The following COL18A1 variants were observed in gnomAD, a reference collection of about 807,000 sequenced individuals.
COL18A1 encodes collagen alpha-1(XVIII) chain.
COL18A1 carries 133 observed loss-of-function variants against 168.0 expected under a neutral mutation model. That is an observed-to-expected ratio of 0.79 (90% CI 0.69 to 0.91). COL18A1 has a LOEUF of 0.91. COL18A1 is among the 40% of genes least tolerant of loss of function. COL18A1 has a pLI of 0.00. For synonymous variants in COL18A1, 949 were observed against 809.0 expected, an observed-to-expected ratio of 1.17 and a Z score of -2.94; for missense variants, 2,126 against 1,925.4, an observed-to-expected ratio of 1.10 and a Z score of -1.95.
chr21:45,505,298 GC>G lies in COL18A1; in HGVS notation c.3013+24del. 6.2e-7 allele frequency: 1 copy of G among 1,605,758 alleles called. No individual in the cohort carries two copies. ...GGCAGAGTAAGTCAGTGGGGAGTGG[GC>G]CCCGGGCAGAGGCCGCCTCGTGTGG... On this transcript the variant is annotated intron_variant, in intron 35 of 41. Coordinates refer to ENST00000651438, the MANE Select transcript of COL18A1 (RefSeq NM_001379500.1).
At chr21:45,427,818 G>A (rs1602359256) in intron 2 of COL18A1, among the ~76,000 whole-genome samples, 2 of 152,234 alleles carry the variant, frequency 1.3e-5, no homozygotes, top group African/African-American at 2.4e-5. Context: ...GAGAACCAGC[G>A]GAAGGGGGGC....
intron 2 of COL18A1, chr21:45,422,712 C>T (rs1001064821): frequency 2.7e-5 from 8 of 292,112 alleles, no homozygotes; most frequent in Middle Eastern, 1.3e-3. Flanking sequence ...CTGGGTGAGG[C>T]GGGGCTGTGG....
At chr21:45,409,550 C>T (rs936965969) in intron 2 of COL18A1, among the ~76,000 whole-genome samples, 12 of 151,972 alleles carry the variant, frequency 7.9e-5, no homozygotes, top group African/African-American at 2.2e-4. Flanking sequence ...AGCTGAGACC[C>T]GCCTGCTGGG....
At chr21:45,409,406 G>C (rs1237316348) in intron 2 of COL18A1, among the ~76,000 whole-genome samples, 4 of 152,204 alleles carry the variant, frequency 2.6e-5, no homozygotes, top group African/African-American at 9.7e-5. Context: ...GATCCTGAAA[G>C]CAGTTTGGGG....
chr21:45,496,966 T>A, intron 30 of COL18A1, 84 bp from the exon 31 acceptor site: 1 of 896,882 alleles, frequency 1.1e-6, no homozygotes, highest in South Asian at 1.3e-5. Context: ...GGGCTGGTGC[T>A]TCTGGGCTTG....
At chr21:45,452,871 CATGT>C (rs1392027525) in intron 2 of COL18A1, among the ~76,000 whole-genome samples, 3 of 151,228 alleles carry the variant, frequency 2.0e-5, no homozygotes, top group Admixed American at 6.6e-5. Flanking sequence ...CTTGTGTATG[CATGT>C]GAGTATTCAC....
At chr21:45,437,950 A>G (rs2034227673) in intron 2 of COL18A1, among the ~76,000 whole-genome samples, 1 of 84,574 alleles carries the variant, frequency 1.2e-5, no homozygotes, top group Non-Finnish European at 2.1e-5. Context: ...ACTCAGACAC[A>G]CAGGCACTCT....
Position 45,512,238 on chromosome 21 carries a change from C to T in COL18A1, c.3860C>T (p.Thr1287Ile), listed in dbSNP as rs1568957123. The change falls in exon 42 of 42, where the codon ACC (threonine) becomes ATC (isoleucine). Residue 1287 changes from threonine (T) to isoleucine (I), a missense_variant. By Grantham distance (89) the Thr-to-Ile change is moderately conservative. Transcript: ENST00000651438. ...TCGGACCCCAACGGGCGCAGGCTGA[C>T]CGAGAGCTACTGTGAGACGTGGCGG... ...HGSDPNGRRLTESYCETWRTE... is the reference protein window; with the variant it reads ...HGSDPNGRRLIESYCETWRTE... 6.2e-7 allele frequency: 1 copy of T among 1,612,566 alleles called. No individual in the cohort carries two copies. Among genetic ancestry groups the T allele is most frequent in the South Asian group, 1.1e-5 (1 of 91,038 alleles).
chr21:45,414,045 C>T (rs1424868349), intron 2 of COL18A1, among the ~76,000 whole-genome samples: 1 of 152,204 alleles, frequency 6.6e-6, no homozygotes, highest in Non-Finnish European at 1.5e-5. Flanking sequence ...CTTGGAGGAG[C>T]AGGAGGAGGT....
intron 18 of COL18A1, among the ~76,000 whole-genome samples, chr21:45,489,083 C>T (rs556543579): frequency 6.6e-6 from 1 of 152,340 alleles, no homozygotes; most frequent in South Asian, 2.1e-4. Context: ...CACTCTCACG[C>T]GTCACCAGCC....
At position 45,512,424 on chromosome 21, in the gene COL18A1, A is replaced by G; in HGVS notation, c.*26A>G. 6.2e-7 allele frequency: 1 copy of G among 1,606,448 alleles called. No individual in the cohort carries two copies. Among genetic ancestry groups the G allele is most frequent in the Non-Finnish European group, 8.5e-7 (1 of 1,177,144 alleles). ...CCACCGCCTGGATGCGGATGGCCGG[A>G]GAGGACCGGCGGCTCGGAGGAAGCC... On this transcript the variant is annotated 3_prime_UTR_variant, in exon 42 of 42. Transcript: ENST00000651438.
intron 2 of COL18A1, among the ~76,000 whole-genome samples, chr21:45,432,217 G>T (rs2033983005): frequency 6.6e-6 from 1 of 151,012 alleles, no homozygotes; most frequent in Admixed American, 6.6e-5. Flanking sequence ...GTGCCCTCAT[G>T]GGGGGTCCTG....
intron 2 of COL18A1, chr21:45,424,548 C>G (rs896800396): frequency 1.3e-5 from 2 of 152,336 alleles, no homozygotes; most frequent in African/African-American, 4.8e-5. Context: ...GGCGCTCCCC[C>G]AAGGCCCCTG....
intron 2 of COL18A1, among the ~76,000 whole-genome samples, chr21:45,441,231 C>G (rs957974084): frequency 6.6e-6 from 1 of 152,188 alleles, no homozygotes; most frequent in Non-Finnish European, 1.5e-5. Context: ...TGGCCCTGGT[C>G]CCTCACCTCT....
intron 32 of COL18A1, chr21:45,502,659 C>G (rs998929570): frequency 6.6e-6 from 1 of 152,174 alleles, no homozygotes; most frequent in Non-Finnish European, 1.5e-5. Flanking sequence ...CAGCAACAAG[C>G]AGGGATTTCA....
rs1374410351 is a variant in COL18A1 at position 45,473,958 on chromosome 21, G to A, written c.715G>A (p.Glu239Lys). 3.1e-6 allele frequency: 5 copies of A among 1,601,176 alleles called. No individual in the cohort carries two copies. Among genetic ancestry groups the A allele is most frequent in the Non-Finnish European group, 4.3e-6 (5 of 1,174,182 alleles). The change falls in exon 4 of 42, where the codon GAG becomes AAG. Residue 239 changes from glutamate to lysine, a missense_variant. Transcript: ENST00000651438. This position sits in a 1 kb window ranked among gnomAD's most constrained non-coding sequence, Gnocchi z 4.0. Reference protein sequence around the residue: ...PQVSPMHCLDEEGDDSDGASG... With the variant: ...PQVSPMHCLDKEGDDSDGASG... Reference sequence around the variant, plus strand: ...GGTGAGCCCCATGCACTGCCTGGACGAGGAAGGCGATGACTCAGATGGGGT... The same window carrying A: ...GGTGAGCCCCATGCACTGCCTGGACAAGGAAGGCGATGACTCAGATGGGGT...
At chr21:45,470,107 C>T (rs1432694535) in intron 3 of COL18A1, among the ~76,000 whole-genome samples, 3 of 152,236 alleles carry the variant, frequency 2.0e-5, no homozygotes, top group African/African-American at 4.8e-5. Flanking sequence ...AGCTGTGCCC[C>T]GATGGTGCTA....
intron 2 of COL18A1, among the ~76,000 whole-genome samples, chr21:45,418,763 T>TCCCAGCCACC (rs1335325478): frequency 2.0e-5 from 3 of 152,206 alleles, no homozygotes; most frequent in Non-Finnish European, 2.9e-5. Context: ...CTCAGGGGCC[T>TCCCAGCCACC]CCAAGGCTGT....
chr21:45,497,788 C>A, intron 32 of COL18A1, 127 bp downstream of exon 32: 1 of 1,318,084 alleles, frequency 7.6e-7, no homozygotes, highest in South Asian at 1.3e-5. Flanking sequence ...CCTCACCCTG[C>A]GGGAGGAAGG....
Sources: allele counts gnomAD v4.1 joint callset (sites outside exome capture counted in the v4.1 genomes callset), GRCh38; gene constraint gnomAD v4.1.1; non-coding constraint Gnocchi (gnomAD v3.1); transcripts MANE v1.5; gene names NCBI Gene and HGNC (gene_info 2026-07-23, HGNC 2026-07-21).